The following IFT81 variants were observed in gnomAD, a reference collection of about 807,000 sequenced individuals.
IFT81 encodes the protein intraflagellar transport 81, also known as intraflagellar transport protein 81 homolog.
Under a neutral mutation model 102.6 loss-of-function variants are expected in IFT81, and 72 were observed. That is an observed-to-expected ratio of 0.70 (90% CI 0.58 to 0.85). The LOEUF is 0.85. Among genes scored for constraint, IFT81 ranks in the 40% least tolerant of loss-of-function variants. IFT81 has a pLI of 0.00. For missense variants in IFT81, 723 were observed against 787.3 expected (o/e 0.92, Z 0.98); for synonymous variants, 237 against 242.7 (o/e 0.98, Z 0.22).
At chr12:110,146,707 G>A (rs550737349) in intron 9 of IFT81, among the ~76,000 whole-genome samples, 9 of 151,980 alleles carry the variant, frequency 5.9e-5, no homozygotes, top group Admixed American at 2.6e-4. Flanking sequence ...CATGGCTCAC[G>A]TCTGTAATCC....
chr12:110,147,682 G>A (rs766718359), intron 10 of IFT81, among the ~76,000 whole-genome samples: 29 of 152,044 alleles, frequency 1.9e-4, no homozygotes, highest in Non-Finnish European at 1.6e-4. Context: ...CCTTTATAAC[G>A]GAAAATTTCA....
At chr12:110,207,789 T>G (rs974936236) in intron 17 of IFT81, among the ~76,000 whole-genome samples, 9 of 152,092 alleles carry the variant, frequency 5.9e-5, no homozygotes, top group African/African-American at 2.2e-4. Flanking sequence ...GGTCTCGATC[T>G]CCTGACCTCG....
At chr12:110,149,886 G>C (rs963550282) in intron 10 of IFT81, among the ~76,000 whole-genome samples, 2 of 152,062 alleles carry the variant, frequency 1.3e-5, no homozygotes, top group African/African-American at 4.8e-5. Flanking sequence ...GGCACAGGAT[G>C]GGGGCATGGC....
intron 18 of IFT81, among the ~76,000 whole-genome samples, chr12:110,211,706 C>T (rs1869467073): frequency 1.3e-5 from 2 of 151,756 alleles, no homozygotes; most frequent in Non-Finnish European, 2.9e-5. Flanking sequence ...GGGGTTTCGC[C>T]ATGTTGCCCA....
chr12:110,179,981 A>G (rs890275265), intron 11 of IFT81, among the ~76,000 whole-genome samples: 1 of 113,190 alleles, frequency 8.8e-6, no homozygotes, highest in Non-Finnish European at 2.0e-5. Context: ...AGTACTATTT[A>G]TTATCTGTTA....
At position 110,124,517 on chromosome 12, in the gene IFT81, C is replaced by T. The variant is rs1893710184; in HGVS notation, c.-366C>T. 6.6e-6 allele frequency: 1 copy of T among 152,248 alleles called. No homozygotes were observed. The highest frequency in any genetic ancestry group is 1.5e-5 in the Non-Finnish European group (1 of 68,092). 9.4% of individuals were successfully genotyped at this position (152,248 alleles called of 1,614,324 possible). On this transcript the variant is annotated 5_prime_UTR_variant, in exon 1 of 19. Coordinates refer to ENST00000242591, the MANE Select transcript of IFT81 (RefSeq NM_014055.4). ...GAGAGAGCTCCCGTCCTCTCTCGGT[C>T]CTGATGCAGCACCTCGCAAGTGGAA... is the stretch of plus-strand genomic sequence containing the variant.
chr12:110,206,680 A>G (rs986589288), intron 17 of IFT81, among the ~76,000 whole-genome samples: 5 of 152,042 alleles, frequency 3.3e-5, no homozygotes, highest in Non-Finnish European at 7.4e-5. Flanking sequence ...GTCTTTAAAA[A>G]AAAAAAAAAA....
At chr12:110,158,832 C>T (rs1436341886) in intron 10 of IFT81, among the ~76,000 whole-genome samples, 1 of 152,060 alleles carries the variant, frequency 6.6e-6, no homozygotes, top group Non-Finnish European at 1.5e-5. Flanking sequence ...TCGTGATCCA[C>T]CCGCCTCAGC....
intron 14 of IFT81, among the ~76,000 whole-genome samples, chr12:110,198,213 C>T (rs529875101): frequency 2.6e-5 from 4 of 151,016 alleles, no homozygotes; most frequent in Admixed American, 2.6e-4. Flanking sequence ...TGTGAGTGTG[C>T]GCGTATGTGT....
intron 11 of IFT81, among the ~76,000 whole-genome samples, chr12:110,172,329 T>G (rs1013016961): frequency 1.3e-5 from 2 of 150,962 alleles, no homozygotes; most frequent in African/African-American, 2.4e-5. Context: ...CTCCTCTGCC[T>G]CCTCTGCCTC....
chr12:110,165,210 C>T (rs1167401998), intron 11 of IFT81, among the ~76,000 whole-genome samples: 1 of 151,838 alleles, frequency 6.6e-6, no homozygotes, highest in Non-Finnish European at 1.5e-5. Flanking sequence ...TTGGCAGTTA[C>T]CTAAAAGAAC....
intron 8 of IFT81, among the ~76,000 whole-genome samples, chr12:110,141,978 TA>T (rs1266652609): frequency 6.6e-6 from 1 of 152,206 alleles, no homozygotes; most frequent in African/African-American, 2.4e-5. Context: ...GCTGGGAATT[TA>T]AAACAAGATG....
rs1299642907 is a variant in IFT81 at position 110,180,578 on chromosome 12, C to G, written c.1338+7C>G. The G allele has an allele frequency of 6.3e-7, 1 of 1,591,536 alleles. No individual in the cohort carries two copies. The highest frequency in any genetic ancestry group is 1.1e-5 in the South Asian group (1 of 88,202). On this transcript the variant is annotated splice_region_variant and intron_variant, in intron 12 of 18. Coordinates refer to ENST00000242591, the MANE Select transcript of IFT81 (RefSeq NM_014055.4). ...AAATATTCAACAACAACTGGTAATA[C>G]AGTATTATCTTGGGCTACTATAAAT...
At chr12:110,184,439 C>T (rs1462062265) in intron 12 of IFT81, among the ~76,000 whole-genome samples, 1 of 152,116 alleles carries the variant, frequency 6.6e-6, no homozygotes, top group Non-Finnish European at 1.5e-5. Flanking sequence ...TGATAGCCAC[C>T]CCAGTTCCAT....
chr12:110,132,472 A>AAAG, intron 4 of IFT81, 75 bp from the exon 5 acceptor site: 8 of 666,694 alleles, frequency 1.2e-5, no homozygotes, highest in African/African-American at 5.8e-5. Context: ...AAAAAAAAAA[A>AAAG]AAAGAAAGAA....
chr12:110,168,835 C>G (rs1009377924), intron 11 of IFT81: 2 of 152,174 alleles, frequency 1.3e-5, no homozygotes, highest in African/African-American at 4.8e-5. Context: ...CCTGAGACTG[C>G]TATCCCTAGA....
chr12:110,218,127 A>G lies in IFT81; in HGVS notation c.1932A>G (p.Gln644=), dbSNP rs570581301. 1 of 1,601,906 alleles carries G rather than the reference A, an allele frequency of 6.2e-7. No homozygotes were observed. The highest frequency in any genetic ancestry group is 8.5e-7 in the Non-Finnish European group (1 of 1,176,794). ...CAAAAATGTGGCGTGATTTGGAACAATTAATGGAATGTAAGAAACAGTGCT... is the reference window on the plus strand; with the variant it reads ...CAAAAATGTGGCGTGATTTGGAACAGTTAATGGAATGTAAGAAACAGTGCT... ...KQAKMWRDLE[Q]LMECKKQCFL... The change falls in exon 19 of 19, where the codon CAA becomes CAG. Residue 644 remains glutamine, a synonymous_variant. Transcript: ENST00000242591.
intron 10 of IFT81, among the ~76,000 whole-genome samples, chr12:110,147,735 T>C (rs952228251): frequency 1.3e-5 from 2 of 152,206 alleles, no homozygotes; most frequent in East Asian, 3.8e-4. Context: ...TAAACCCTCA[T>C]GTGTCCCTGA....
At position 110,132,595 on chromosome 12, in the gene IFT81, C is replaced by G; in HGVS notation, c.478C>G (p.Gln160Glu). ...TAAAACTTTGCATAAAGAATATGAG[C>G]AGCTCAAGATATCTGGATTTTCTAC... ...AFKTLHKEYEQLKISGFSTAE... is the reference protein window; with the variant it reads ...AFKTLHKEYEELKISGFSTAE... The change falls in exon 5 of 19, where the codon CAG becomes GAG. Residue 160 changes from glutamine (Q) to glutamate (E), a missense_variant. Physicochemically the swap from Gln to Glu is conservative, Grantham distance 29. Coordinates refer to ENST00000242591, the MANE Select transcript of IFT81 (RefSeq NM_014055.4). 6.3e-7 allele frequency: 1 copy of G among 1,582,622 alleles called. No homozygotes were observed. Among genetic ancestry groups the G allele is most frequent in the South Asian group, 1.1e-5 (1 of 88,302 alleles).
Sources: gnomAD v4.1 joint callset for allele counts (sites outside exome capture counted in the v4.1 genomes callset) on GRCh38, gnomAD v4.1.1 for gene constraint, MANE v1.5 for transcripts, NCBI Gene and HGNC (gene_info 2026-07-23, HGNC 2026-07-21) for gene names.